The following SIAH2 variants were observed in gnomAD, a reference collection of about 807,000 sequenced individuals.
The protein encoded by SIAH2 is siah E3 ubiquitin protein ligase 2, also known as E3 ubiquitin-protein ligase SIAH2.
Under a neutral mutation model 20.4 loss-of-function variants are expected in SIAH2, and 4 were observed. The ratio of observed to expected loss-of-function variants is 0.20; its 90% CI spans 0.10 to 0.45. The LOEUF (loss-of-function observed/expected upper bound fraction) is 0.45, where lower values mean the gene tolerates loss of function less well. Ranked by LOEUF, SIAH2 falls within the 20% of genes least tolerant of loss-of-function variation. The pLI, the probability that SIAH2 is intolerant of heterozygous loss-of-function variation, is 0.99. For synonymous variants in SIAH2, 171 were observed against 192.5 expected (o/e 0.89, Z 0.93); for missense variants, 259 against 440.3 (o/e 0.59, Z 3.69).
chr3:150,758,725 C>T (rs1003636218), intron 1 of SIAH2, among the ~76,000 whole-genome samples: 1 of 150,048 alleles, frequency 6.7e-6, no homozygotes, highest in African/African-American at 2.5e-5. Flanking sequence ...TGCCTGCCAC[C>T]ACACCTGGCT....
chr3:150,744,857 T>C (rs1486644180), intron 1 of SIAH2, among the ~76,000 whole-genome samples: 2 of 152,176 alleles, frequency 1.3e-5, no homozygotes, highest in Admixed American at 6.5e-5. Flanking sequence ...TATTTATCAC[T>C]TGGCAATCAT....
In SIAH2 at chr3:150,762,282, CT is replaced by C; in HGVS notation, c.417+150del. On this transcript the variant is annotated intron_variant, in intron 1 of 1. Transcript: ENST00000312960. This position sits in a 1 kb window ranked among gnomAD's most constrained non-coding sequence, Gnocchi z 6.6. Reference sequence around the variant, plus strand: ...AACCCAGACCTACACCCAAAGTGGGCTTGAGGGAGGGTGGACGAAGTGTAAA... The same window carrying C: ...AACCCAGACCTACACCCAAAGTGGGCTGAGGGAGGGTGGACGAAGTGTAAA... The C allele has an allele frequency of 7.0e-7, 1 of 1,431,242 alleles. No individual in the cohort carries two copies. Among genetic ancestry groups the C allele is most frequent in the Non-Finnish European group, 9.2e-7 (1 of 1,092,080 alleles). The allele number at this position is 1,431,242 out of a possible 1,614,324, so 88.7% of individuals were successfully genotyped here. A position where few individuals can be genotyped will look rare whatever the true frequency, so the allele number is the denominator to read the frequency against.
chr3:150,755,537 C>A (rs1033690881), intron 1 of SIAH2, among the ~76,000 whole-genome samples: 1 of 151,228 alleles, frequency 6.6e-6, no homozygotes, highest in African/African-American at 2.4e-5. Context: ...TTTTTTGAGA[C>A]GGAGTTTCAC....
At chr3:150,744,776 G>T (rs951433216) in intron 1 of SIAH2, among the ~76,000 whole-genome samples, 2 of 152,124 alleles carry the variant, frequency 1.3e-5, no homozygotes, top group Non-Finnish European at 2.9e-5. Flanking sequence ...ACCCAGAAAG[G>T]TACCAGCTGC....
chr3:150,752,383 C>T (rs954356829), intron 1 of SIAH2, among the ~76,000 whole-genome samples: 8 of 152,192 alleles, frequency 5.3e-5, no homozygotes, highest in African/African-American at 1.4e-4. Context: ...CCGAGGCAGG[C>T]GGATCACCTG....
Position 150,742,409 on chromosome 3 carries a change from T to C in SIAH2, c.707A>G (p.Gln236Arg), listed in dbSNP as rs1714115619. The change falls in exon 2 of 2, where the codon CAA becomes CGA. Residue 236 changes from glutamine to arginine, a missense_variant. Transcript: ENST00000312960. This position sits in a 1 kb window ranked among gnomAD's most constrained non-coding sequence, Gnocchi z 4.8. ...CTGCTGGTGGCCTTCGTACTTCTCT[T>C]GTTTCTCCAGCACCAGCATGAAGTG... ...GHHFMLVLEK[Q>R]EKYEGHQQFF... 1 of 1,614,222 alleles carries C rather than the reference T, an allele frequency of 6.2e-7. No individual in the cohort carries two copies. Among genetic ancestry groups the C allele is most frequent in the Non-Finnish European group, 8.5e-7 (1 of 1,180,040 alleles).
intron 1 of SIAH2, among the ~76,000 whole-genome samples, chr3:150,748,856 C>T (rs1714286712): frequency 6.6e-6 from 1 of 152,046 alleles, no homozygotes; most frequent in African/African-American, 2.4e-5. Flanking sequence ...AATGAGAAAC[C>T]AAAATTCCTA....
intron 1 of SIAH2, among the ~76,000 whole-genome samples, chr3:150,755,319 T>C (rs1559937526): frequency 7.1e-6 from 1 of 140,386 alleles, no homozygotes; most frequent in African/African-American, 2.6e-5. Context: ...TTTCTTTTCT[T>C]CCCTTTTTTT....
At chr3:150,756,393 G>A (rs373886687) in intron 1 of SIAH2, among the ~76,000 whole-genome samples, 1 of 152,118 alleles carries the variant, frequency 6.6e-6, no homozygotes. Flanking sequence ...GAATAAGAAC[G>A]GCCATGTCTC....
At chr3:150,743,448 T>G (rs995642010) in intron 1 of SIAH2, among the ~76,000 whole-genome samples, 4 of 152,348 alleles carry the variant, frequency 2.6e-5, no homozygotes, top group Admixed American at 2.0e-4. Context: ...GAGGTTAACA[T>G]GAGAAGGGCC....
At chr3:150,756,534 C>CA (rs1176901465) in intron 1 of SIAH2, among the ~76,000 whole-genome samples, 5 of 152,186 alleles carry the variant, frequency 3.3e-5, no homozygotes, top group Non-Finnish European at 5.9e-5. Flanking sequence ...GAGTCTATCC[C>CA]AATCTTGGGC....
chr3:150,747,245 G>A (rs1202872641), intron 1 of SIAH2, among the ~76,000 whole-genome samples: 2 of 152,218 alleles, frequency 1.3e-5, no homozygotes, highest in Non-Finnish European at 2.9e-5. Flanking sequence ...AGCCCTGAAA[G>A]TGCCACTCCC....
At chr3:150,744,509 C>A (rs189669117) in intron 1 of SIAH2, among the ~76,000 whole-genome samples, 5 of 152,112 alleles carry the variant, frequency 3.3e-5, no homozygotes, top group African/African-American at 4.8e-5. Flanking sequence ...CTTTATAAGG[C>A]CTGAAAAACA....
intron 1 of SIAH2, among the ~76,000 whole-genome samples, chr3:150,746,269 A>T (rs565347429): frequency 6.6e-6 from 1 of 152,130 alleles, no homozygotes; most frequent in Non-Finnish European, 1.5e-5. Context: ...GGTGGCATGC[A>T]CCTGTAATCC....
chr3:150,755,324 T>C (rs1310627598), intron 1 of SIAH2, among the ~76,000 whole-genome samples: 6 of 32,746 alleles, frequency 1.8e-4, no homozygotes, highest in African/African-American at 5.3e-4. Context: ...TTTCTTCCCT[T>C]TTTTTTTTTT....
At chr3:150,753,767 T>C (rs530972569) in intron 1 of SIAH2, among the ~76,000 whole-genome samples, 1 of 152,138 alleles carries the variant, frequency 6.6e-6, no homozygotes, top group South Asian at 2.1e-4. Flanking sequence ...GCACTCCAGC[T>C]TGGATGACAG....
intron 1 of SIAH2, among the ~76,000 whole-genome samples, chr3:150,757,249 C>T (rs141233344): frequency 8.5e-5 from 13 of 152,204 alleles, no homozygotes; most frequent in East Asian, 1.9e-4. Flanking sequence ...TCACTGGGAC[C>T]GCTTACTATA....
chr3:150,742,286 T>A lies in SIAH2; in HGVS notation c.830A>T (p.Glu277Val). The A allele has an allele frequency of 6.2e-7, 1 of 1,614,182 alleles. No homozygotes were observed. Among genetic ancestry groups the A allele is most frequent in the Non-Finnish European group, 8.5e-7 (1 of 1,180,046 alleles). The change falls in exon 2 of 2, where the codon GAG becomes GTG. Residue 277 changes from glutamate (E) to valine (V), a missense_variant. Transcript: ENST00000312960. This position sits in a 1 kb window ranked among gnomAD's most constrained non-coding sequence, Gnocchi z 4.8. The part of the protein sequence containing the change: ...LNGNRRRLTW[E>V]ATPRSIHDGV... ...GTCATGAATCGAACGGGGCGTGGCC[T>A]CCCAGGTCAATCTCCGCCGGTTCCC...
At position 150,760,710 on chromosome 3, in the gene SIAH2, C is replaced by T. The variant is rs529802739; in HGVS notation, c.417+1723G>A. On this transcript the variant is annotated intron_variant, in intron 1 of 1. Coordinates refer to ENST00000312960, the MANE Select transcript of SIAH2 (RefSeq NM_005067.7). Reference sequence around the variant, plus strand: ...AAGCCATTTCTTTTGTTAGCCGCTGCGCGTTTAAGGGAAAGTAAAGGGGTG... The same window carrying T: ...AAGCCATTTCTTTTGTTAGCCGCTGTGCGTTTAAGGGAAAGTAAAGGGGTG... Among the ~76,000 whole-genome samples the T allele has an allele frequency of 6.6e-5, 10 of 152,300 alleles. No individual in the cohort carries two copies. In the East Asian group the frequency reaches 1.3e-3, roughly 21 times the overall value.
Sources: gnomAD v4.1 joint callset for allele counts (sites outside exome capture counted in the v4.1 genomes callset) on GRCh38, gnomAD v4.1.1 for gene constraint, Gnocchi (gnomAD v3.1) non-coding constraint, MANE v1.5 for transcripts, NCBI Gene and HGNC (gene_info 2026-07-23, HGNC 2026-07-21) for gene names.